The following KCNIP4 variants were observed in gnomAD, a reference collection of about 807,000 sequenced individuals.
KCNIP4 encodes Kv channel-interacting protein 4.
Under a neutral mutation model 34.0 loss-of-function variants are expected in KCNIP4, and 12 were observed. The ratio of observed to expected loss-of-function variants is 0.35; its 90% CI spans 0.23 to 0.57. The LOEUF (loss-of-function observed/expected upper bound fraction) is 0.57. KCNIP4 is among the 20% of genes least tolerant of loss of function. KCNIP4 has a pLI of 0.83. For synonymous variants in KCNIP4, 124 were observed against 102.2 expected, an observed-to-expected ratio of 1.21 and a Z score of -1.29; for missense variants, 238 against 311.7, an observed-to-expected ratio of 0.76 and a Z score of 1.78.
At chr4:21,076,245 G>T (rs975028197) in intron 1 of KCNIP4, among the ~76,000 whole-genome samples, 1 of 152,038 alleles carries the variant, frequency 6.6e-6, no homozygotes, top group African/African-American at 2.4e-5. Context: ...TTTCCAACTT[G>T]ATTCAATTCT....
chr4:21,353,475 C>T (rs943887954), intron 1 of KCNIP4, among the ~76,000 whole-genome samples: 12 of 152,116 alleles, frequency 7.9e-5, no homozygotes, highest in African/African-American at 2.9e-4. Flanking sequence ...AGCTGAACAC[C>T]ATGGCCCAAG....
chr4:21,465,992 T>G (rs1261891405), intron 1 of KCNIP4, among the ~76,000 whole-genome samples: 4 of 152,186 alleles, frequency 2.6e-5, no homozygotes, highest in Admixed American at 2.6e-4. Flanking sequence ...GTCCTCTAGT[T>G]GTCAGCTGGA....
chr4:21,532,144 G>T (rs1736734277), intron 1 of KCNIP4, among the ~76,000 whole-genome samples: 1 of 152,098 alleles, frequency 6.6e-6, no homozygotes, highest in East Asian at 1.9e-4. Context: ...AGAGAAAAAG[G>T]AATATGTATA....
chr4:21,632,218 T>C (rs922431909), intron 1 of KCNIP4, among the ~76,000 whole-genome samples: 2 of 152,160 alleles, frequency 1.3e-5, no homozygotes, highest in African/African-American at 4.8e-5. Flanking sequence ...ACTTCAAAAA[T>C]AGTCTTTTGT....
intron 1 of KCNIP4, among the ~76,000 whole-genome samples, chr4:20,977,128 T>G (rs1735569043): frequency 6.6e-6 from 1 of 152,154 alleles, no homozygotes; most frequent in Non-Finnish European, 1.5e-5. Flanking sequence ...CCACTGCGCC[T>G]GGCCAAACAT....
chr4:21,930,177 A>G (rs578154976), intron 1 of KCNIP4, among the ~76,000 whole-genome samples: 39 of 152,258 alleles, frequency 2.6e-4, no homozygotes, highest in South Asian at 8.3e-4. Context: ...CATATCCTCA[A>G]GGATTCCGCT....
intron 1 of KCNIP4, among the ~76,000 whole-genome samples, chr4:21,419,542 C>G: frequency 6.6e-6 from 1 of 152,140 alleles, no homozygotes; most frequent in South Asian, 2.1e-4. Context: ...ACAGTAATAT[C>G]TATCTTAAAA....
At chr4:21,775,916 T>C (rs1719141872) in intron 1 of KCNIP4, among the ~76,000 whole-genome samples, 1 of 152,116 alleles carries the variant, frequency 6.6e-6, no homozygotes, top group African/African-American at 2.4e-5. Context: ...CTGATGCCCC[T>C]CCCCTAAGGA....
intron 1 of KCNIP4, among the ~76,000 whole-genome samples, chr4:21,483,083 T>TG (rs1274925455): frequency 4.2e-5 from 1 of 23,594 alleles, no homozygotes; most frequent in Admixed American, 6.6e-4. Context: ...TGTTGTGGGG[T>TG]GGGGGAGGGG....
At chr4:21,082,874 T>TCTAC (rs908006944) in intron 1 of KCNIP4, among the ~76,000 whole-genome samples, 2 of 144,558 alleles carry the variant, frequency 1.4e-5, no homozygotes, top group Admixed American at 6.8e-5. Context: ...ATTCTATCTA[T>TCTAC]CTATCTATCT....
chr4:20,894,956 A>T (rs1726344309), intron 1 of KCNIP4, among the ~76,000 whole-genome samples: 1 of 152,208 alleles, frequency 6.6e-6, no homozygotes, highest in Admixed American at 6.5e-5. Flanking sequence ...TTTAACCTTC[A>T]CAAGAGCCCC....
chr4:21,762,788 C>T (rs912153840), intron 1 of KCNIP4: 3 of 506,968 alleles, frequency 5.9e-6, no homozygotes, highest in Middle Eastern at 1.5e-3. Flanking sequence ...AACCATCTTC[C>T]AGTCATGACT....
intron 1 of KCNIP4, among the ~76,000 whole-genome samples, chr4:21,803,602 GTCT>G (rs890658908): frequency 6.6e-6 from 1 of 152,028 alleles, no homozygotes; most frequent in African/African-American, 2.4e-5. Context: ...ATTGCTACTG[GTCT>G]TCTCTCAATG....
At chr4:20,912,182 A>G (rs1728388840) in intron 1 of KCNIP4, among the ~76,000 whole-genome samples, 2 of 152,166 alleles carry the variant, frequency 1.3e-5, no homozygotes, top group African/African-American at 4.8e-5. Flanking sequence ...CCTTCAGGTT[A>G]AGTTCTATTA....
chr4:21,763,013 C>T (rs946921130), intron 1 of KCNIP4: 17 of 1,288,600 alleles, frequency 1.3e-5, no homozygotes, highest in East Asian at 1.1e-4. Flanking sequence ...TGGTACACAG[C>T]GAATGCTCAA....
chr4:21,816,836 C>T (rs115495690), intron 1 of KCNIP4, among the ~76,000 whole-genome samples: 4,242 of 152,158 alleles, frequency 0.028, 183 homozygotes, highest in African/African-American at 0.096. Flanking sequence ...TTCTTGGGTT[C>T]GGATCTTGGT....
chr4:21,881,187 T>C (rs992137694), intron 1 of KCNIP4, among the ~76,000 whole-genome samples: 3 of 152,170 alleles, frequency 2.0e-5, no homozygotes, highest in Non-Finnish European at 4.4e-5. Flanking sequence ...TCTTGACTAA[T>C]ATTTTTCTTA....
At chr4:21,271,400 A>T (rs756288125) in intron 1 of KCNIP4, among the ~76,000 whole-genome samples, 23 of 152,324 alleles carry the variant, frequency 1.5e-4, no homozygotes, top group South Asian at 4.1e-4. Context: ...GGTCAGTAAA[A>T]AGGACTTTCT....
intron 1 of KCNIP4, among the ~76,000 whole-genome samples, chr4:21,497,463 A>T (rs1242083469): frequency 1.3e-5 from 2 of 152,094 alleles, no homozygotes; most frequent in African/African-American, 4.8e-5. Flanking sequence ...CCCTCTTCAC[A>T]TGATGAACTC....
Sources: allele counts gnomAD v4.1 joint callset (sites outside exome capture counted in the v4.1 genomes callset), GRCh38; gene constraint gnomAD v4.1.1; transcripts MANE v1.5; gene names NCBI Gene and HGNC (gene_info 2026-07-23, HGNC 2026-07-21).